WASHC4: variants seen among roughly 807,000 people sequenced by gnomAD.
WASHC4 encodes the protein WASH complex subunit 7.
A neutral mutation model predicts 166.6 loss-of-function variants in WASHC4; 86 were observed. The observed-to-expected ratio is 0.52, with a 90% CI of 0.43 to 0.62. WASHC4 has a LOEUF of 0.62. Ranked by LOEUF, WASHC4 falls within the 20% of genes least tolerant of loss-of-function variation. WASHC4 has a pLI of 0.00. For missense variants in WASHC4, 1,262 were observed against 1,382.4 expected (o/e 0.91, Z 1.38); for synonymous variants, 446 against 451.6 (o/e 0.99, Z 0.16).
intron 15 of WASHC4, among the ~76,000 whole-genome samples, chr12:105,139,425 G>GTGTGTGTGTATATATA: frequency 7.0e-4 from 72 of 103,214 alleles, no homozygotes; most frequent in African/African-American, 2.5e-3. Context: ...ATGTGTGTGT[G>GTGTGTGTGTATATATA]TATATATATA....
At position 105,146,301 on chromosome 12, in the gene WASHC4, T is replaced by C. The variant is rs1883287110; in HGVS notation, c.2335-151T>C. 7.0e-6 allele frequency: 4 copies of C among 570,442 alleles called. No homozygotes were observed. In the South Asian group the frequency reaches 1.0e-4, roughly 14 times the overall value. The allele number at this position is 570,442 out of a possible 1,614,324, so 35.3% of individuals were successfully genotyped here. ...CTAAGGAGATAGTCTTGATTTGTCT[T>C]TTAACGTTTGATCGTACCTTTTATA... On this transcript the variant is annotated intron_variant, in intron 22 of 32. Transcript: ENST00000332180.
intron 1 of WASHC4, among the ~76,000 whole-genome samples, chr12:105,109,237 A>G (rs547541522): frequency 2.0e-5 from 3 of 152,310 alleles, no homozygotes; most frequent in South Asian, 2.1e-4. Flanking sequence ...ACCTTGTCAT[A>G]TATGTTTTAT....
At chr12:105,157,429 AT>A in intron 28 of WASHC4, 107 bp downstream of exon 28, 1 of 662,184 alleles carries the variant, frequency 1.5e-6, no homozygotes, top group Non-Finnish European at 2.7e-6. Context: ...ATTATACAAA[AT>A]TATGGCCTCA....
At chr12:105,152,530 T>C (rs1187383352) in intron 26 of WASHC4, 79 bp downstream of exon 26, 3 of 853,690 alleles carry the variant, frequency 3.5e-6, no homozygotes, top group East Asian at 2.5e-5. Context: ...TTCACACTAA[T>C]AAGCAGCTCA....
Position 105,107,778 on chromosome 12 carries a change from T to A in WASHC4, c.-23T>A, listed in dbSNP as rs1372577577. ...TCGCCGCACGGGCTGGTTGGGGCTG[T>A]GTCTGTGGGAGGCGCCGGGGTGATG... On this transcript the variant is annotated 5_prime_UTR_variant, in exon 1 of 33. Coordinates refer to ENST00000332180, the MANE Select transcript of WASHC4 (RefSeq NM_015275.3). 4 of 1,544,428 alleles carry A rather than the reference T, an allele frequency of 2.6e-6. No homozygotes were observed. The highest frequency in any genetic ancestry group is 3.5e-6 in the Non-Finnish European group (4 of 1,141,098).
intron 9 of WASHC4, 48 bp downstream of exon 9, chr12:105,121,252 A>G (rs1482355938): frequency 1.0e-5 from 12 of 1,174,458 alleles, no homozygotes; most frequent in Non-Finnish European, 1.5e-5. Flanking sequence ...TGGTTAATGT[A>G]TTTGTGTTAG....
intron 15 of WASHC4, among the ~76,000 whole-genome samples, chr12:105,139,305 GA>G: frequency 6.6e-6 from 1 of 151,450 alleles, no homozygotes; most frequent in South Asian, 2.1e-4. Context: ...ACTTGTGCAG[GA>G]GTTTTTGTAA....
rs564644795 is a variant in WASHC4, at chr12:105,160,854, C to T, written c.3060+706C>T. On this transcript the variant is annotated intron_variant, in intron 29 of 32. Transcript: ENST00000332180. ...CATATTGTTTCAAGATAACTTCTTTCTATTCAGTAGTAAATACTAACATCT... is the reference window on the plus strand; with the variant it reads ...CATATTGTTTCAAGATAACTTCTTTTTATTCAGTAGTAAATACTAACATCT... Among the ~76,000 whole-genome samples the T allele has an allele frequency of 2.0e-5, 3 of 152,206 alleles. No individual in the cohort carries two copies. In the South Asian group the frequency reaches 6.2e-4, roughly 32 times the overall value.
intron 28 of WASHC4, among the ~76,000 whole-genome samples, chr12:105,158,532 G>T (rs1038077702): frequency 6.6e-6 from 1 of 152,070 alleles, no homozygotes; most frequent in African/African-American, 2.4e-5. Context: ...GAAACACTTG[G>T]CCTGGACAAA....
At chr12:105,140,503 CT>C in intron 16 of WASHC4, 102 bp downstream of exon 16, 2 of 866,788 alleles carry the variant, frequency 2.3e-6, no homozygotes, top group Non-Finnish European at 1.9e-6. Flanking sequence ...TATTCCATTC[CT>C]TCAAACATAA....
At chr12:105,160,403 AGTG>A (rs1197403108) in intron 29 of WASHC4, among the ~76,000 whole-genome samples, 1 of 152,042 alleles carries the variant, frequency 6.6e-6, no homozygotes. Context: ...GCTGGAGTGC[AGTG>A]GTGTGATCAT....
At chr12:105,121,941 G>T (rs1251486647) in intron 9 of WASHC4, among the ~76,000 whole-genome samples, 177 bp from the exon 10 acceptor site, 3 of 152,132 alleles carry the variant, frequency 2.0e-5, no homozygotes, top group African/African-American at 7.2e-5. Context: ...CATTTTGATT[G>T]AAGATGATAT....
intron 26 of WASHC4, among the ~76,000 whole-genome samples, chr12:105,154,251 G>A (rs375969152): frequency 1.6e-4 from 24 of 152,178 alleles, no homozygotes; most frequent in African/African-American, 4.6e-4. Flanking sequence ...GGGTGGTCTC[G>A]ATCTCCTGAC....
At chr12:105,161,789 TA>T (rs1485405016) in intron 29 of WASHC4, among the ~76,000 whole-genome samples, 1 of 152,196 alleles carries the variant, frequency 6.6e-6, no homozygotes. Flanking sequence ...CGTAGGCTAT[TA>T]TAGTACTTAG....
chr12:105,110,986 G>A (rs1196839), intron 1 of WASHC4, 139 bp from the exon 2 acceptor site: 577,460 of 666,808 alleles, frequency 0.87, 251,201 homozygotes, highest in East Asian at 1. Context: ...TTTAACTTTG[G>A]AACTTTATTT....
chr12:105,157,099 A>G (rs1290764814), intron 27 of WASHC4, 137 bp from the exon 28 acceptor site: 1 of 641,236 alleles, frequency 1.6e-6, no homozygotes, highest in Non-Finnish European at 2.8e-6. Context: ...GGTGATATGA[A>G]TAATATTACT....
chr12:105,150,350 C>A (rs1202308247), intron 25 of WASHC4, among the ~76,000 whole-genome samples: 2 of 152,218 alleles, frequency 1.3e-5, no homozygotes, highest in Non-Finnish European at 2.9e-5. Context: ...ACATCTATCT[C>A]TGTAAATCTC....
At chr12:105,140,502 C>T in intron 16 of WASHC4, 101 bp downstream of exon 16, 2 of 869,282 alleles carry the variant, frequency 2.3e-6, no homozygotes, top group South Asian at 2.8e-5. Context: ...TTATTCCATT[C>T]CTTCAAACAT....
At chr12:105,129,187 G>A (rs2135758578) in intron 13 of WASHC4, among the ~76,000 whole-genome samples, 1 of 152,066 alleles carries the variant, frequency 6.6e-6, no homozygotes, top group East Asian at 1.9e-4. Flanking sequence ...CTTGTGATCT[G>A]CCTGCTTCAG....
Sources: allele counts gnomAD v4.1 joint callset (sites outside exome capture counted in the v4.1 genomes callset), GRCh38; gene constraint gnomAD v4.1.1; transcripts MANE v1.5; gene names NCBI Gene and HGNC (gene_info 2026-07-23, HGNC 2026-07-21).